ADGRB3: variants seen among roughly 807,000 people sequenced by gnomAD.
ADGRB3 encodes the protein brain-specific angiogenesis inhibitor 3.
In ADGRB3, 37 loss-of-function variants were observed where a neutral mutation model predicts 193.4. The observed-to-expected ratio is 0.19, with a 90% confidence interval of 0.15 to 0.25. The LOEUF (loss-of-function observed/expected upper bound fraction) is 0.25, where lower values mean the gene tolerates loss of function less well. Among genes scored for constraint, ADGRB3 ranks in the 10% least tolerant of loss-of-function variants. The probability of loss-of-function intolerance (pLI) is 1.00; values close to 1 mark genes in which losing one functional copy is unlikely to be tolerated. For missense variants in ADGRB3, 1,637 were observed against 1,852.9 expected (o/e 0.88, Z 2.14); for synonymous variants, 690 against 644.2 (o/e 1.07, Z -1.08).
intron 17 of ADGRB3, among the ~76,000 whole-genome samples, chr6:69,212,602 G>A (rs62406840): frequency 0.046 from 6,986 of 152,088 alleles, 222 homozygotes; most frequent in Non-Finnish European, 0.071. Context: ...TCATCAAATT[G>A]CACTGCTTGA....
At chr6:68,687,295 A>G (rs1198439100) in intron 3 of ADGRB3, among the ~76,000 whole-genome samples, 1 of 152,132 alleles carries the variant, frequency 6.6e-6, no homozygotes, top group Non-Finnish European at 1.5e-5. Flanking sequence ...AGTTTTATAT[A>G]TATAAATGTA....
Position 69,063,048 on chromosome 6 carries a change from C to T in ADGRB3, c.2436+12C>T, listed in dbSNP as rs369015626. On this transcript the variant is annotated intron_variant, in intron 16 of 31. Coordinates refer to ENST00000370598, the MANE Select transcript of ADGRB3 (RefSeq NM_001704.3). ...CTCATTTGGCTAATGTAAGTACCAT[C>T]CACTGGGCACTGACTTGCTTATGGA... 2.7e-5 allele frequency: 43 copies of T among 1,573,408 alleles called. No individual in the cohort carries two copies. In the Middle Eastern group the frequency reaches 6.7e-4, roughly 24 times the overall value.
chr6:68,758,567 C>G (rs1766339793), intron 3 of ADGRB3, among the ~76,000 whole-genome samples: 1 of 151,984 alleles, frequency 6.6e-6, no homozygotes, highest in Non-Finnish European at 1.5e-5. Flanking sequence ...TAGTGTATTC[C>G]CCCATGTGTC....
At chr6:68,924,083 T>C (rs1460942228) in intron 3 of ADGRB3, among the ~76,000 whole-genome samples, 4 of 152,110 alleles carry the variant, frequency 2.6e-5, no homozygotes. Context: ...TAGAATTGTA[T>C]TTGTCGTTTA....
At chr6:69,042,423 G>A (rs1049631122) in intron 13 of ADGRB3, among the ~76,000 whole-genome samples, 4 of 152,178 alleles carry the variant, frequency 2.6e-5, no homozygotes, top group African/African-American at 9.7e-5. Context: ...TCATACAAGC[G>A]TTCAATAGAT....
intron 3 of ADGRB3, among the ~76,000 whole-genome samples, chr6:68,745,090 G>C (rs1766057805): frequency 6.6e-6 from 1 of 152,074 alleles, no homozygotes. Context: ...CCCACTTTTG[G>C]ATACACTACC....
intron 26 of ADGRB3, among the ~76,000 whole-genome samples, chr6:69,352,848 A>G (rs1454343116): frequency 3.9e-5 from 6 of 152,236 alleles, no homozygotes; most frequent in Non-Finnish European, 8.8e-5. Context: ...AAGAGATCTT[A>G]TATCACTGCT....
chr6:68,719,185 T>C (rs1037474128), intron 3 of ADGRB3, among the ~76,000 whole-genome samples: 8 of 151,758 alleles, frequency 5.3e-5, no homozygotes, highest in Non-Finnish European at 1.2e-4. Flanking sequence ...CCTGCCTTAG[T>C]TGGTTTTTAA....
intron 3 of ADGRB3, among the ~76,000 whole-genome samples, chr6:68,760,546 GA>G (rs1297261207): frequency 6.6e-6 from 1 of 152,188 alleles, no homozygotes; most frequent in African/African-American, 2.4e-5. Context: ...CAGAAGCTAT[GA>G]AAACAAGACA....
At chr6:69,309,340 G>A (rs1768132277) in intron 20 of ADGRB3, among the ~76,000 whole-genome samples, 1 of 151,770 alleles carries the variant, frequency 6.6e-6, no homozygotes, top group South Asian at 2.1e-4. Context: ...GGAGAAAAAA[G>A]TAAGTGTTGT....
rs138073430 is a variant in ADGRB3 at position 69,039,026 on chromosome 6, T to G, written c.2108-9159T>G. Among the ~76,000 whole-genome samples the G allele has an allele frequency of 2.3e-3, 354 of 152,290 alleles. 1 individual carries two copies. Among genetic ancestry groups the G allele is most frequent in the African/African-American group, 8.3e-3 (343 of 41,560 alleles). On this transcript the variant is annotated intron_variant, in intron 13 of 31. Coordinates refer to ENST00000370598, the MANE Select transcript of ADGRB3 (RefSeq NM_001704.3). ...CCTGCCCCAAATGTGAATCATCCCTTTGATTGGCATGCCCACACTGTCTAT... is the reference window on the plus strand; with the variant it reads ...CCTGCCCCAAATGTGAATCATCCCTGTGATTGGCATGCCCACACTGTCTAT...
chr6:69,155,712 A>T (rs1385303178), intron 17 of ADGRB3, among the ~76,000 whole-genome samples: 2 of 152,228 alleles, frequency 1.3e-5, no homozygotes, highest in Non-Finnish European at 2.9e-5. Flanking sequence ...TACCTCTACC[A>T]TTTGAAAAAT....
At chr6:68,726,880 A>G (rs557526933) in intron 3 of ADGRB3, among the ~76,000 whole-genome samples, 1 of 151,616 alleles carries the variant, frequency 6.6e-6, no homozygotes, top group Admixed American at 6.6e-5. Flanking sequence ...GTGATATATT[A>G]TGTGCTTTTG....
chr6:69,350,250 T>G (rs1769193475), intron 26 of ADGRB3, among the ~76,000 whole-genome samples: 1 of 152,022 alleles, frequency 6.6e-6, no homozygotes, highest in Admixed American at 6.5e-5. Flanking sequence ...ACAACCTTGA[T>G]AGCTTATTGT....
rs922410704 is a variant in ADGRB3, at chr6:69,097,637, T to C, written c.2480+21599T>C. Among the ~76,000 whole-genome samples the C allele has an allele frequency of 3.9e-5, 6 of 152,070 alleles. 1 individual carries two copies. The East Asian group carries it at 7.7e-4, about 20-fold the overall frequency. On this transcript the variant is annotated intron_variant, in intron 17 of 31. Coordinates refer to ENST00000370598, the MANE Select transcript of ADGRB3 (RefSeq NM_001704.3). ...ATTCTGGAGCTATTGCATAATAAAATAATGAATATATATTGAATATACATA... is the reference window on the plus strand; with the variant it reads ...ATTCTGGAGCTATTGCATAATAAAACAATGAATATATATTGAATATACATA...
chr6:69,324,801 T>A (rs1768533331), intron 20 of ADGRB3, 71 bp from the exon 21 acceptor site: 27 of 1,486,010 alleles, frequency 1.8e-5, no homozygotes, highest in Non-Finnish European at 2.2e-5. Flanking sequence ...AGATTAACAA[T>A]CCCCTGAAGA....
At chr6:68,950,358 T>A (rs186864695) in intron 6 of ADGRB3, among the ~76,000 whole-genome samples, 2 of 152,202 alleles carry the variant, frequency 1.3e-5, no homozygotes. Context: ...GATTCTGACC[T>A]GGCTACATAT....
intron 20 of ADGRB3, among the ~76,000 whole-genome samples, chr6:69,257,781 A>C (rs1367474230): frequency 1.3e-5 from 2 of 152,220 alleles, no homozygotes; most frequent in East Asian, 3.8e-4. Context: ...TTTTCAGTGC[A>C]GATTCTCCCC....
intron 3 of ADGRB3, among the ~76,000 whole-genome samples, chr6:68,834,870 G>C (rs1768017244): frequency 6.6e-6 from 1 of 151,838 alleles, no homozygotes. Flanking sequence ...GAAGAATCTG[G>C]GTCAGACCCC....
Sources: gnomAD v4.1 joint callset for allele counts (sites outside exome capture counted in the v4.1 genomes callset) on GRCh38, gnomAD v4.1.1 for gene constraint, MANE v1.5 for transcripts, NCBI Gene and HGNC (gene_info 2026-07-23, HGNC 2026-07-21) for gene names.